MBD5: variants seen among roughly 807,000 people sequenced by gnomAD.
MBD5 encodes methyl-CpG binding domain protein 5.
MBD5 carries 13 observed loss-of-function variants against 117.3 expected under a neutral mutation model. That is an observed-to-expected ratio of 0.11 (90% CI 0.07 to 0.18). The LOEUF (loss-of-function observed/expected upper bound fraction) is 0.18, where lower values mean the gene tolerates loss of function less well. Ranked by LOEUF, MBD5 falls within the 10% of genes least tolerant of loss-of-function variation. The probability of loss-of-function intolerance (pLI) is 1.00; values close to 1 mark genes in which losing one functional copy is unlikely to be tolerated. For missense variants in MBD5, 1,879 were observed against 2,093.8 expected (o/e 0.90, Z 2.00); for synonymous variants, 727 against 766.4 (o/e 0.95, Z 0.85).
chr2:148,089,235 A>C (rs990168929), intron 1 of MBD5, among the ~76,000 whole-genome samples: 1 of 152,018 alleles, frequency 6.6e-6, no homozygotes, highest in African/African-American at 2.4e-5. Context: ...AAATAAGATA[A>C]ACAGCAACAC....
At chr2:148,209,078 G>C (rs1699354487) in intron 2 of MBD5, among the ~76,000 whole-genome samples, 1 of 151,884 alleles carries the variant, frequency 6.6e-6, no homozygotes, top group Non-Finnish European at 1.5e-5. Context: ...TTTTCATTTT[G>C]ATTTTACCAT....
At chr2:148,429,747 C>A (rs1262836643) in intron 4 of MBD5, among the ~76,000 whole-genome samples, 2 of 152,060 alleles carry the variant, frequency 1.3e-5, no homozygotes, top group African/African-American at 2.4e-5. Flanking sequence ...AACACAAGAA[C>A]AGAAAACCAA....
intron 1 of MBD5, among the ~76,000 whole-genome samples, chr2:148,090,233 G>T (rs1311829501): frequency 6.6e-6 from 1 of 151,990 alleles, no homozygotes; most frequent in African/African-American, 2.4e-5. Context: ...AGAACCAGAT[G>T]GATTCACAGC....
intron 3 of MBD5, among the ~76,000 whole-genome samples, chr2:148,267,095 C>G (rs753542749): frequency 2.0e-5 from 3 of 151,906 alleles, no homozygotes; most frequent in Non-Finnish European, 4.4e-5. Context: ...AGGTATGAGG[C>G]TAATGTTGAT....
At chr2:148,406,803 T>C (rs1227354822) in intron 4 of MBD5, among the ~76,000 whole-genome samples, 1 of 152,208 alleles carries the variant, frequency 6.6e-6, no homozygotes, top group African/African-American at 2.4e-5. Flanking sequence ...CCTGGAATAC[T>C]CTTCCCCTGA....
At chr2:148,400,670 C>G (rs1704891617) in intron 4 of MBD5, among the ~76,000 whole-genome samples, 1 of 152,178 alleles carries the variant, frequency 6.6e-6, no homozygotes, top group Non-Finnish European at 1.5e-5. Context: ...AACATAAGCT[C>G]TGAATATCAC....
chr2:148,226,513 T>G (rs1199529018), intron 2 of MBD5, among the ~76,000 whole-genome samples: 1 of 152,250 alleles, frequency 6.6e-6, no homozygotes, highest in Non-Finnish European at 1.5e-5. Context: ...AGTCTACCAT[T>G]GTTGGACATT....
rs1574418462 is a variant in MBD5, at chr2:148,432,983, T to C, written c.-556-25220T>C. On this transcript the variant is annotated intron_variant, in intron 4 of 13. Transcript: ENST00000642680. Reference sequence around the variant, plus strand: ...GTATGGCCATTTTAATGATACTGAGTCTTCCTGTCCATGAATATGGAATTT... The same window carrying C: ...GTATGGCCATTTTAATGATACTGAGCCTTCCTGTCCATGAATATGGAATTT... Among the ~76,000 whole-genome samples, 5 of 152,188 alleles carry C rather than the reference T, an allele frequency of 3.3e-5. No homozygotes were observed. The South Asian group carries it at 1.0e-3, about 32-fold the overall frequency.
Position 148,134,271 on chromosome 2 carries a change from C to G in MBD5, c.-924-44429C>G, listed in dbSNP as rs528059141. On this transcript the variant is annotated intron_variant, in intron 1 of 13. Transcript: ENST00000642680. The stretch of plus-strand genomic sequence containing the variant: ...CTACCGATAGAAAGTAATAGAGATA[C>G]AGATATACAAACACCCATATATACA... Among the ~76,000 whole-genome samples, 5 of 152,170 alleles carry G rather than the reference C, an allele frequency of 3.3e-5. No individual in the cohort carries two copies. The East Asian group carries it at 9.7e-4, about 29-fold the overall frequency.
At chr2:148,492,854 A>G in intron 11 of MBD5, among the ~76,000 whole-genome samples, 1 of 152,104 alleles carries the variant, frequency 6.6e-6, no homozygotes, top group East Asian at 1.9e-4. Context: ...CAATATCTGT[A>G]TAAGACAAAA....
At chr2:148,511,388 G>C (rs933440266) in intron 13 of MBD5, among the ~76,000 whole-genome samples, 1 of 152,148 alleles carries the variant, frequency 6.6e-6, no homozygotes, top group African/African-American at 2.4e-5. Flanking sequence ...GCTCTGCCTC[G>C]GGACATTTGG....
At chr2:148,284,084 A>G (rs1440637257) in intron 3 of MBD5, among the ~76,000 whole-genome samples, 2 of 152,200 alleles carry the variant, frequency 1.3e-5, no homozygotes, top group Admixed American at 6.5e-5. Flanking sequence ...ATAGTAGCAT[A>G]CTATATATAC....
At chr2:148,442,127 A>G (rs1706346186) in intron 4 of MBD5, among the ~76,000 whole-genome samples, 1 of 151,602 alleles carries the variant, frequency 6.6e-6, no homozygotes, top group African/African-American at 2.4e-5. Context: ...CCATTTGTCA[A>G]TTTTGGCTTT....
rs536693320 is a variant in MBD5, at chr2:148,415,517, G to A, written c.-556-42686G>A. Among the ~76,000 whole-genome samples the A allele has an allele frequency of 5.3e-5, 8 of 152,254 alleles. No individual in the cohort carries two copies. The South Asian group carries it at 8.3e-4, about 16-fold the overall frequency. ...GAATTTGAATGTTGGCCTCTCTAGCGAGGTTTGGGAAATTTTCATGGCTGA... is the reference window on the plus strand; with the variant it reads ...GAATTTGAATGTTGGCCTCTCTAGCAAGGTTTGGGAAATTTTCATGGCTGA... On this transcript the variant is annotated intron_variant, in intron 4 of 13. Transcript: ENST00000642680.
intron 3 of MBD5, among the ~76,000 whole-genome samples, chr2:148,252,678 T>C: frequency 6.6e-6 from 1 of 152,100 alleles, no homozygotes; most frequent in Non-Finnish European, 1.5e-5. Context: ...GCCTCCCACA[T>C]AGCTGGGACT....
chr2:148,312,860 G>A (rs995348041), intron 3 of MBD5, among the ~76,000 whole-genome samples: 2 of 152,094 alleles, frequency 1.3e-5, no homozygotes, highest in African/African-American at 4.8e-5. Flanking sequence ...TGTTGATGTC[G>A]ATGCTATTCC....
intron 4 of MBD5, among the ~76,000 whole-genome samples, chr2:148,415,267 T>G (rs945723523): frequency 6.6e-6 from 1 of 152,050 alleles, no homozygotes; most frequent in South Asian, 2.1e-4. Flanking sequence ...TGGAATTTCT[T>G]TTTTTTAAGG....
intron 3 of MBD5, among the ~76,000 whole-genome samples, chr2:148,288,630 A>G (rs1482226198): frequency 6.6e-6 from 1 of 152,008 alleles, no homozygotes; most frequent in Admixed American, 6.6e-5. Flanking sequence ...ATACCAAGGG[A>G]AAAAAGCCCT....
chr2:148,490,790 G>C, intron 11 of MBD5, 196 bp downstream of exon 11: 1 of 659,652 alleles, frequency 1.5e-6, no homozygotes, highest in Non-Finnish European at 2.6e-6. Flanking sequence ...AACAAGGGGT[G>C]AGTTGTAAAG....
Sources: allele counts gnomAD v4.1 joint callset (sites outside exome capture counted in the v4.1 genomes callset), GRCh38; gene constraint gnomAD v4.1.1; transcripts MANE v1.5; gene names NCBI Gene and HGNC (gene_info 2026-07-23, HGNC 2026-07-21).